UNC79: variants seen among roughly 807,000 people sequenced by gnomAD.
The protein encoded by UNC79 is protein unc-79 homolog.
In UNC79, 37 loss-of-function variants were observed where a neutral mutation model predicts 283.1. The observed-to-expected ratio is 0.13, with a 90% CI of 0.10 to 0.17. The LOEUF (loss-of-function observed/expected upper bound fraction) is 0.17, where lower values mean the gene tolerates loss of function less well. UNC79 is among the 10% of genes least tolerant of loss of function. The pLI is 1.00. For synonymous variants in UNC79, 1,107 were observed against 1,200.2 expected (o/e 0.92, Z 1.61); for missense variants, 2,272 against 3,211.1 (o/e 0.71, Z 7.07).
At chr14:93,677,539 C>T (rs922490636) in intron 41 of UNC79, among the ~76,000 whole-genome samples, 3 of 152,202 alleles carry the variant, frequency 2.0e-5, no homozygotes, top group Non-Finnish European at 2.9e-5. Context: ...CAATTATCTC[C>T]ACCTGGCCCC....
chr14:93,385,565 G>A (rs1188911998), intron 1 of UNC79, among the ~76,000 whole-genome samples: 1 of 152,024 alleles, frequency 6.6e-6, no homozygotes, highest in Non-Finnish European at 1.5e-5. Flanking sequence ...GATCACTTGA[G>A]GCCAGGCATT....
chr14:93,664,636 T>A (rs745426572), intron 40 of UNC79, among the ~76,000 whole-genome samples: 8 of 152,228 alleles, frequency 5.3e-5, no homozygotes, highest in Non-Finnish European at 8.8e-5. Context: ...AAGAATGGTA[T>A]CTGTCTCAGT....
Position 93,531,882 on chromosome 14 carries a change from A to G in UNC79, c.1094-668A>G, listed in dbSNP as rs1476362480. ...AGTGGTTCTCAGTTTTGTCCTCTGT[A>G]AAATGGGGAAATAAGATTAAATTTG... On this transcript the variant is annotated intron_variant, in intron 10 of 48. Coordinates refer to ENST00000555664, the Ensembl canonical transcript of UNC79. This position sits in a 1 kb window ranked among gnomAD's most constrained non-coding sequence, Gnocchi z 4.2. Among the ~76,000 whole-genome samples, 1 of 152,234 alleles carries G rather than the reference A, an allele frequency of 6.6e-6. No homozygotes were observed. Among genetic ancestry groups the G allele is most frequent in the Admixed American group, 6.5e-5 (1 of 15,290 alleles).
At chr14:93,508,203 C>CA (rs1567023352) in intron 7 of UNC79, among the ~76,000 whole-genome samples, 5 of 142,908 alleles carry the variant, frequency 3.5e-5, no homozygotes, top group African/African-American at 1.3e-4. Flanking sequence ...CAATTTCTGT[C>CA]GAAAAAAAAA....
intron 1 of UNC79, among the ~76,000 whole-genome samples, chr14:93,393,909 C>T (rs1346433043): frequency 6.6e-6 from 1 of 151,998 alleles, no homozygotes; most frequent in African/African-American, 2.4e-5. Context: ...GTCCCCTAAC[C>T]TCAAATATTA....
At chr14:93,609,873 C>G (rs544162877) in intron 26 of UNC79, among the ~76,000 whole-genome samples, 1 of 152,232 alleles carries the variant, frequency 6.6e-6, no homozygotes, top group Admixed American at 6.5e-5. Context: ...ATTTGCAAAG[C>G]CCACTCTGGA....
intron 27 of UNC79, among the ~76,000 whole-genome samples, chr14:93,614,989 CT>C (rs1052509237): frequency 3.9e-5 from 6 of 152,194 alleles, no homozygotes; most frequent in African/African-American, 1.4e-4. Context: ...TGCTACAAAT[CT>C]CACTCTCCAG....
chr14:93,603,241 A>G (rs370604619), exon 26 of UNC79: 6 of 1,613,908 alleles, frequency 3.7e-6, no homozygotes, highest in Non-Finnish European at 5.1e-6. Flanking sequence ...TTGCAAAGCC[A>G]TCACTGCTGT....
chr14:93,625,066 C>G (rs531672802), intron 30 of UNC79, among the ~76,000 whole-genome samples: 5 of 152,348 alleles, frequency 3.3e-5, no homozygotes, highest in African/African-American at 1.2e-4. Context: ...TCCTGAAACC[C>G]TTCCCCTGTG....
At chr14:93,622,282 G>C in exon 30 of UNC79, 1 of 1,614,112 alleles carries the variant, frequency 6.2e-7, no homozygotes, top group East Asian at 2.2e-5. Flanking sequence ...GCACAGCTCC[G>C]CTTGTACAAG....
intron 26 of UNC79, among the ~76,000 whole-genome samples, chr14:93,610,636 G>A (rs927523794): frequency 6.7e-6 from 1 of 150,076 alleles, no homozygotes; most frequent in African/African-American, 2.5e-5. Context: ...TTTGAGACAA[G>A]GTCTTGCTTT....
chr14:93,363,256 C>T (rs116093070), intron 1 of UNC79, among the ~76,000 whole-genome samples: 2,759 of 152,092 alleles, frequency 0.018, 95 homozygotes, highest in African/African-American at 0.063. Flanking sequence ...GTTTAATTTT[C>T]GTGTAATTAT....
intron 18 of UNC79, 147 bp downstream of exon 18, chr14:93,578,210 T>G (rs969004635): frequency 4.0e-6 from 3 of 757,576 alleles, no homozygotes; most frequent in African/African-American, 1.8e-5. Context: ...CTTTGGAGAT[T>G]TTCTAAAAAG....
At chr14:93,407,380 T>C (rs2055247729) in intron 1 of UNC79, among the ~76,000 whole-genome samples, 1 of 152,148 alleles carries the variant, frequency 6.6e-6, no homozygotes, top group Non-Finnish European at 1.5e-5. Context: ...AATTGACACA[T>C]TGCTGGAGGC....
chr14:93,574,332 C>G (rs976608879), intron 16 of UNC79, among the ~76,000 whole-genome samples: 5 of 152,136 alleles, frequency 3.3e-5, no homozygotes, highest in African/African-American at 1.2e-4. Context: ...ATAGAGTGGA[C>G]ACTAAAGTGG....
In UNC79 at chr14:93,642,683, A is replaced by ATTTCT. The variant is rs1182994921; in HGVS notation, c.5904-865_5904-861dup. ...TCCTATTTGCCTTTCTGTGCACTCC[A>ATTTCT]TTTCTTTTCTTTTTTACTTAGAAAT... On this transcript the variant is annotated intron_variant, in intron 33 of 48. Coordinates refer to ENST00000555664, the Ensembl canonical transcript of UNC79. Among the ~76,000 whole-genome samples, 17 of 152,062 alleles carry ATTTCT rather than the reference A, an allele frequency of 1.1e-4. No homozygotes were observed. In the South Asian group the frequency reaches 3.3e-3, roughly 30 times the overall value.
At chr14:93,485,610 GTTC>G (rs2058377731) in intron 4 of UNC79, among the ~76,000 whole-genome samples, 1 of 152,140 alleles carries the variant, frequency 6.6e-6, no homozygotes. Context: ...TTGGCTGAAA[GTTC>G]TTCTTTCTTG....
intron 30 of UNC79, among the ~76,000 whole-genome samples, chr14:93,628,038 T>C (rs2067702067): frequency 6.6e-6 from 1 of 152,218 alleles, no homozygotes; most frequent in Non-Finnish European, 1.5e-5. Context: ...GTATTTTATT[T>C]AGTAGTAGTA....
At chr14:93,517,686 C>T (rs955573333) in intron 7 of UNC79, among the ~76,000 whole-genome samples, 5 of 151,960 alleles carry the variant, frequency 3.3e-5, no homozygotes, top group Admixed American at 2.0e-4. Flanking sequence ...CCCCATCCCC[C>T]ACCATTTCAT....
Sources: allele counts gnomAD v4.1 joint callset (sites outside exome capture counted in the v4.1 genomes callset), GRCh38; gene constraint gnomAD v4.1.1; non-coding constraint Gnocchi (gnomAD v3.1); transcripts MANE v1.5; gene names NCBI Gene and HGNC (gene_info 2026-07-23, HGNC 2026-07-21).